SOBP: variants seen among roughly 807,000 people sequenced by gnomAD.
SOBP encodes sine oculis binding protein homolog, also known as sine oculis-binding protein homolog.
In SOBP, 4 loss-of-function variants were observed where a neutral mutation model predicts 53.6. The ratio of observed to expected loss-of-function variants is 0.07; its 90% CI spans 0.04 to 0.17. The LOEUF (loss-of-function observed/expected upper bound fraction) is 0.17, where lower values mean the gene tolerates loss of function less well. Among genes scored for constraint, SOBP ranks in the 10% least tolerant of loss-of-function variants. SOBP has a pLI of 1.00. For synonymous variants in SOBP, 584 were observed against 522.6 expected (o/e 1.12, Z -1.60); for missense variants, 1,088 against 1,204.7 (o/e 0.90, Z 1.43).
intron 5 of SOBP, among the ~76,000 whole-genome samples, chr6:107,602,046 T>C (rs1431923115): frequency 1.3e-5 from 2 of 152,228 alleles, no homozygotes; most frequent in African/African-American, 2.4e-5. Context: ...ATAACACACC[T>C]GTAATGACCT....
In SOBP at chr6:107,661,056, C is replaced by T. The variant is rs941538063; in HGVS notation, c.*2853C>T. ...TGGTTGTCCTGATAGCATTATTCAT[C>T]TGGTCTTGGCCATGGAGACAGTCAT... On this transcript the variant is annotated 3_prime_UTR_variant, in exon 7 of 7. Transcript: ENST00000317357. Among the ~76,000 whole-genome samples the T allele has an allele frequency of 3.3e-5, 5 of 152,218 alleles. No homozygotes were observed. Among genetic ancestry groups the T allele is most frequent in the African/African-American group, 9.6e-5 (4 of 41,464 alleles).
chr6:107,515,739 T>G (rs1783299976), intron 3 of SOBP, among the ~76,000 whole-genome samples: 2 of 152,144 alleles, frequency 1.3e-5, no homozygotes, highest in East Asian at 3.9e-4. Flanking sequence ...ACAGCGAGAC[T>G]CTGTCTCAAA....
In SOBP at chr6:107,538,008, T is replaced by C. The variant is rs1401462564; in HGVS notation, c.573+4398T>C. ...CATTAAGATTTCCTAACAATCATTA[T>C]AATAATAACATAAATAATTCAAGGA... On this transcript the variant is annotated intron_variant, in intron 4 of 6. Transcript: ENST00000317357. 2.6e-5 allele frequency among the ~76,000 whole-genome samples: 4 copies of C among 152,154 alleles called. No homozygotes were observed. The East Asian group carries it at 7.7e-4, about 29-fold the overall frequency.
intron 5 of SOBP, among the ~76,000 whole-genome samples, chr6:107,593,195 G>A (rs73762273): frequency 0.013 from 2,012 of 151,980 alleles, 44 homozygotes; most frequent in African/African-American, 0.046. Flanking sequence ...CTCCTTTCCC[G>A]TGCATGCAAA....
At chr6:107,507,636 C>T (rs1783035857) in intron 3 of SOBP, among the ~76,000 whole-genome samples, 1 of 152,060 alleles carries the variant, frequency 6.6e-6, no homozygotes, top group Admixed American at 6.6e-5. Flanking sequence ...CGTCAGCTAT[C>T]GTTAATGTTA....
intron 5 of SOBP, among the ~76,000 whole-genome samples, chr6:107,609,241 A>G (rs897856894): frequency 1.3e-5 from 2 of 152,248 alleles, no homozygotes; most frequent in African/African-American, 4.8e-5. Flanking sequence ...ACAAATGGAA[A>G]TGATTAACAG....
intron 5 of SOBP, among the ~76,000 whole-genome samples, chr6:107,615,551 C>A (rs1205711453): frequency 6.6e-6 from 1 of 152,118 alleles, no homozygotes; most frequent in African/African-American, 2.4e-5. Context: ...GTGGGCAGTC[C>A]CCTTCTGAAT....
At chr6:107,570,381 A>G (rs765049762) in intron 4 of SOBP, among the ~76,000 whole-genome samples, 8 of 152,206 alleles carry the variant, frequency 5.3e-5, no homozygotes, top group Non-Finnish European at 7.4e-5. Flanking sequence ...AAATCAATCA[A>G]TCTAGGGAAT....
chr6:107,628,713 C>A (rs1284867969), intron 5 of SOBP, among the ~76,000 whole-genome samples: 1 of 152,234 alleles, frequency 6.6e-6, no homozygotes, highest in Non-Finnish European at 1.5e-5. Flanking sequence ...TTCATGCCAA[C>A]ATCTTTTGAT....
chr6:107,597,627 AAAAT>A (rs1196026461), intron 5 of SOBP, among the ~76,000 whole-genome samples: 1 of 152,210 alleles, frequency 6.6e-6, no homozygotes, highest in Admixed American at 6.5e-5. Flanking sequence ...TGAATGCATA[AAAAT>A]AAATAACATG....
chr6:107,528,401 A>C (rs1193106739), intron 3 of SOBP, among the ~76,000 whole-genome samples: 2 of 152,202 alleles, frequency 1.3e-5, no homozygotes, highest in Admixed American at 6.5e-5. Flanking sequence ...CCTGCTCCTT[A>C]GAAAAGAGAA....
chr6:107,598,194 A>G (rs1327192048), intron 5 of SOBP, among the ~76,000 whole-genome samples: 1 of 152,246 alleles, frequency 6.6e-6, no homozygotes. Context: ...AAGTTTACAA[A>G]CTACGCTTAT....
chr6:107,613,012 T>C (rs1786655275), intron 5 of SOBP, among the ~76,000 whole-genome samples: 1 of 152,254 alleles, frequency 6.6e-6, no homozygotes, highest in Admixed American at 6.5e-5. Context: ...TTGTGTTGTT[T>C]CCACCCTTTG....
chr6:107,503,860 T>C, intron 2 of SOBP, 65 bp downstream of exon 2: 1 of 1,596,230 alleles, frequency 6.3e-7, no homozygotes, highest in Non-Finnish European at 8.5e-7. Context: ...CTGCCAGAAT[T>C]GAGTTGCTTT....
At chr6:107,528,491 A>G (rs1383192913) in intron 3 of SOBP, among the ~76,000 whole-genome samples, 1 of 152,216 alleles carries the variant, frequency 6.6e-6, no homozygotes, top group Non-Finnish European at 1.5e-5. Context: ...TTATCATTTA[A>G]TGTTTAAGTA....
At position 107,490,381 on chromosome 6, in the gene SOBP, C is replaced by G. The variant is rs1217828315; in HGVS notation, c.-236C>G. ...GCCGGAGCGACGGCGGCGGCATCCC[C>G]GAGACTCTCCGCACTATCCTTACCC... On this transcript the variant is annotated 5_prime_UTR_variant, in exon 1 of 7. Transcript: ENST00000317357. The G allele has an allele frequency of 3.9e-6, 1 of 255,836 alleles. No homozygotes were observed. The highest frequency in any genetic ancestry group is 7.4e-6 in the Non-Finnish European group (1 of 135,466). 15.8% of individuals were successfully genotyped at this position (255,836 alleles called of 1,614,324 possible). A position where few individuals can be genotyped will look rare whatever the true frequency, so the allele number is the denominator to read the frequency against.
intron 5 of SOBP, among the ~76,000 whole-genome samples, chr6:107,598,745 C>T (rs774075949): frequency 1.2e-4 from 18 of 152,122 alleles, no homozygotes; most frequent in Non-Finnish European, 2.4e-4. Flanking sequence ...AGGACAAAGA[C>T]TTCTAACAGC....
At chr6:107,573,984 G>T (rs1267152102) in intron 4 of SOBP, among the ~76,000 whole-genome samples, 2 of 152,094 alleles carry the variant, frequency 1.3e-5, no homozygotes, top group Non-Finnish European at 2.9e-5. Flanking sequence ...GTCTACTACT[G>T]CCTGGCACAC....
intron 5 of SOBP, among the ~76,000 whole-genome samples, chr6:107,611,876 C>G (rs1786612514): frequency 6.6e-6 from 1 of 151,850 alleles, no homozygotes; most frequent in Non-Finnish European, 1.5e-5. Context: ...GAGGTGAACC[C>G]AAGAATGGAA....
Sources: gnomAD v4.1 joint callset for allele counts (sites outside exome capture counted in the v4.1 genomes callset) on GRCh38, gnomAD v4.1.1 for gene constraint, MANE v1.5 for transcripts, NCBI Gene and HGNC (gene_info 2026-07-23, HGNC 2026-07-21) for gene names.